ARL3: variants seen among roughly 807,000 people sequenced by gnomAD.
The protein encoded by ARL3 is ADP-ribosylation factor-like protein 3.
In ARL3, 9 loss-of-function variants were observed where a neutral mutation model predicts 26.0. That is an observed-to-expected ratio of 0.35 (90% CI 0.21 to 0.60). The LOEUF (loss-of-function observed/expected upper bound fraction) is 0.60, where lower values mean the gene tolerates loss of function less well. Ranked by LOEUF, ARL3 falls within the 20% of genes least tolerant of loss-of-function variation. The pLI is 0.78. For synonymous variants in ARL3, 71 were observed against 78.4 expected, an observed-to-expected ratio of 0.91 and a Z score of 0.50; for missense variants, 158 against 215.7, an observed-to-expected ratio of 0.73 and a Z score of 1.67.
chr10:102,680,750 C>A (rs1281620276), intron 5 of ARL3, among the ~76,000 whole-genome samples: 3 of 152,168 alleles, frequency 2.0e-5, no homozygotes, highest in Non-Finnish European at 4.4e-5. Context: ...ATGCTGGTTA[C>A]GTGGTCACAG....
intron 1 of ARL3, among the ~76,000 whole-genome samples, chr10:102,711,575 C>G (rs984977789): frequency 6.6e-6 from 1 of 151,826 alleles, no homozygotes. Flanking sequence ...CATGGTGAAA[C>G]CCCGTCTCTA....
chr10:102,687,674 T>G (rs7075829), intron 4 of ARL3, among the ~76,000 whole-genome samples: 18 of 151,928 alleles, frequency 1.2e-4, no homozygotes, highest in African/African-American at 4.4e-4. Context: ...GGTGACAGAG[T>G]GAGATTCTGC....
chr10:102,677,011 G>C (rs2064133934), intron 5 of ARL3, 70 bp from the exon 6 acceptor site: 1 of 1,561,970 alleles, frequency 6.4e-7, no homozygotes, highest in Admixed American at 1.7e-5. Flanking sequence ...TAGCCTGGAG[G>C]GGCGGGCAGT....
At chr10:102,692,204 C>G (rs1429609808) in intron 3 of ARL3, among the ~76,000 whole-genome samples, 1 of 152,180 alleles carries the variant, frequency 6.6e-6, no homozygotes, top group African/African-American at 2.4e-5. Context: ...TAAAATTACC[C>G]TTACCTGGAG....
At chr10:102,705,911 AC>A (rs1236616387) in intron 1 of ARL3, among the ~76,000 whole-genome samples, 2 of 152,194 alleles carry the variant, frequency 1.3e-5, no homozygotes, top group African/African-American at 4.8e-5. Context: ...AATGCCTGGC[AC>A]TTATCAAACA....
In ARL3 at chr10:102,676,862, C is replaced by T; in HGVS notation, c.*32G>A. The T allele has an allele frequency of 6.2e-7, 1 of 1,612,298 alleles. No homozygotes were observed. Among genetic ancestry groups the T allele is most frequent in the Non-Finnish European group, 8.5e-7 (1 of 1,178,634 alleles). On this transcript the variant is annotated 3_prime_UTR_variant, in exon 6 of 6. Transcript: ENST00000260746. The stretch of plus-strand genomic sequence containing the variant: ...TGTTTTTCAGGACCGAATTCGGCTC[C>T]CGCAGCTCCTGCATCTCCATTCGTC...
chr10:102,699,250 C>A (rs561594678), intron 3 of ARL3, 123 bp downstream of exon 3: 62 of 709,322 alleles, frequency 8.7e-5, no homozygotes, highest in Non-Finnish European at 1.5e-4. Context: ...GCTATCCCTG[C>A]TAAATTCACA....
chr10:102,711,693 C>T (rs1194770232), intron 1 of ARL3, among the ~76,000 whole-genome samples: 1 of 151,824 alleles, frequency 6.6e-6, no homozygotes, highest in Non-Finnish European at 1.5e-5. Context: ...GGAGGCGGAG[C>T]TTGCAGTGAA....
At position 102,676,524 on chromosome 10, in the gene ARL3, CTCTTTT is replaced by C. The variant is rs559376946; in HGVS notation, c.*364_*369del. The C allele has an allele frequency of 6.7e-4, 117 of 173,866 alleles. 1 individual carries two copies. The South Asian group carries it at 0.01, about 15-fold the overall frequency. 10.8% of individuals were successfully genotyped at this position (173,866 alleles called of 1,614,324 possible). On this transcript the variant is annotated 3_prime_UTR_variant, in exon 6 of 6. Coordinates refer to ENST00000260746, the MANE Select transcript of ARL3 (RefSeq NM_004311.4). ...ATGAACTCAGCAAAGCTGCTTCTTCCTCTTTTTCTTTTTCTTTTTTTTTTTTTGAGA... is the reference window on the plus strand; with the variant it reads ...ATGAACTCAGCAAAGCTGCTTCTTCCTCTTTTTCTTTTTTTTTTTTTGAGA...
chr10:102,702,406 G>A (rs1441674149), intron 2 of ARL3, among the ~76,000 whole-genome samples: 1 of 152,138 alleles, frequency 6.6e-6, no homozygotes, highest in African/African-American at 2.4e-5. Context: ...TTACTACAAT[G>A]AGCATTTATT....
At position 102,708,906 on chromosome 10, in the gene ARL3, A is replaced by ATTT. The variant is rs1442987501; in HGVS notation, c.4-3418_4-3417insAAA. On this transcript the variant is annotated intron_variant, in intron 1 of 5. Transcript: ENST00000260746. ...ATATATTATATATATATATATATATATATTTTTTTTTTTTTTGAGACAAGG... is the reference window on the plus strand; with the variant it reads ...ATATATTATATATATATATATATATATTTTATTTTTTTTTTTTTTGAGACAAGG... 1.5e-4 allele frequency among the ~76,000 whole-genome samples: 15 copies of ATTT among 100,184 alleles called. No individual in the cohort carries two copies. The South Asian group carries it at 2.5e-3, about 16-fold the overall frequency. 65.7% of individuals were successfully genotyped at this position (100,184 alleles called of 152,430 possible).
chr10:102,702,597 C>T (rs141732173), intron 2 of ARL3, among the ~76,000 whole-genome samples: 2 of 152,046 alleles, frequency 1.3e-5, no homozygotes, highest in East Asian at 1.9e-4. Flanking sequence ...GAAGTCTTCA[C>T]GTTAGTGTTC....
intron 5 of ARL3, among the ~76,000 whole-genome samples, chr10:102,682,106 C>T (rs903410262): frequency 1.3e-5 from 2 of 152,188 alleles, no homozygotes; most frequent in African/African-American, 4.8e-5. Context: ...CGCAGAGTGA[C>T]ACTTCCTCCA....
intron 5 of ARL3, among the ~76,000 whole-genome samples, chr10:102,685,372 A>C (rs1360298441): frequency 6.6e-6 from 1 of 152,190 alleles, no homozygotes; most frequent in African/African-American, 2.4e-5. Flanking sequence ...AAGTAGCAGG[A>C]AACAGACACC....
intron 2 of ARL3, among the ~76,000 whole-genome samples, chr10:102,702,020 CAAAAAAAAAAA>C (rs34993485): frequency 8.5e-6 from 1 of 117,708 alleles, no homozygotes; most frequent in African/African-American, 3.3e-5. Context: ...CCATCTCTAC[CAAAAAAAAAAA>C]AAAAAAAAAA....
At position 102,674,744 on chromosome 10, in the gene ARL3, C is replaced by T. The variant is rs2064122044; in HGVS notation, c.*2150G>A. 6.6e-6 allele frequency: 1 copy of T among 152,138 alleles called. No homozygotes were observed. Among genetic ancestry groups the T allele is most frequent in the Non-Finnish European group, 1.5e-5 (1 of 68,032 alleles). The allele number at this position is 152,138 out of a possible 1,614,324, so 9.4% of individuals were successfully genotyped here. A position where few individuals can be genotyped will look rare whatever the true frequency, so the allele number is the denominator to read the frequency against. ...TCTACCCCAGAGCCCCAGGAGGGTTCAAAAGGGCTCAAAGGGAAGATGAAA... is the reference window on the plus strand; with the variant it reads ...TCTACCCCAGAGCCCCAGGAGGGTTTAAAAGGGCTCAAAGGGAAGATGAAA... On this transcript the variant is annotated 3_prime_UTR_variant, in exon 6 of 6. Transcript: ENST00000260746.
chr10:102,679,955 G>A (rs1273953394), intron 5 of ARL3, among the ~76,000 whole-genome samples: 1 of 152,028 alleles, frequency 6.6e-6, no homozygotes, highest in Non-Finnish European at 1.5e-5. Flanking sequence ...ACCTGGCAAG[G>A]AAGGCTTTTT....
In ARL3 at chr10:102,674,396, G is replaced by A. The variant is rs895712536; in HGVS notation, c.*2498C>T. The A allele has an allele frequency of 3.1e-4, 47 of 152,286 alleles. No homozygotes were observed. Among genetic ancestry groups the A allele is most frequent in the Admixed American group, 5.9e-4 (9 of 15,276 alleles). 9.4% of individuals were successfully genotyped at this position (152,286 alleles called of 1,614,324 possible). ...GGAATCCAGCCAAAAGCAGCCACAC[G>A]GGGTAGGTCGGGAGGAGGGGAGGAC... On this transcript the variant is annotated 3_prime_UTR_variant, in exon 6 of 6. Coordinates refer to ENST00000260746, the MANE Select transcript of ARL3 (RefSeq NM_004311.4).
intron 2 of ARL3, among the ~76,000 whole-genome samples, chr10:102,702,742 C>G (rs1329707349): frequency 6.6e-6 from 1 of 152,164 alleles, no homozygotes; most frequent in Admixed American, 6.5e-5. Context: ...GTTTTCAGCC[C>G]TTCTAGGCTA....
Sources: gnomAD v4.1 joint callset for allele counts (sites outside exome capture counted in the v4.1 genomes callset) on GRCh38, gnomAD v4.1.1 for gene constraint, MANE v1.5 for transcripts, NCBI Gene and HGNC (gene_info 2026-07-23, HGNC 2026-07-21) for gene names.